ZC3H12B: variants seen among roughly 807,000 people sequenced by gnomAD.
ZC3H12B encodes zinc finger CCCH-type containing 12B.
ZC3H12B carries 7 observed loss-of-function variants against 43.9 expected under a neutral mutation model. The observed-to-expected ratio is 0.16, with a 90% CI of 0.09 to 0.30. ZC3H12B has a LOEUF of 0.30. ZC3H12B is among the 10% of genes least tolerant of loss of function. The probability of loss-of-function intolerance (pLI) is 1.00; values close to 1 mark genes in which losing one functional copy is unlikely to be tolerated. For missense variants in ZC3H12B, 475 were observed against 670.2 expected, an observed-to-expected ratio of 0.71 and a Z score of 3.22; for synonymous variants, 222 against 241.7, an observed-to-expected ratio of 0.92 and a Z score of 0.76.
At chrX:65,109,768 T>C in the ZC3H12B span, among the ~76,000 whole-genome samples, 3 of 111,825 alleles carry the variant, frequency 2.7e-5, no homozygotes, top group African/African-American at 9.7e-5. Flanking sequence ...ACTGAGAAAC[T>C]GTTAGACTGT....
chrX:65,481,148 G>A (rs1199251604), intron 3 of ZC3H12B, among the ~76,000 whole-genome samples: 1 of 110,730 alleles, frequency 9.0e-6, no homozygotes, highest in African/African-American at 3.3e-5. Flanking sequence ...TTTCATATGC[G>A]ATACCATCTG....
the ZC3H12B span, among the ~76,000 whole-genome samples, chrX:65,249,337 C>A: frequency 8.9e-6 from 1 of 111,823 alleles, no homozygotes; most frequent in South Asian, 3.7e-4. Flanking sequence ...GGTATCCTAT[C>A]CCTACTTTAT....
Position 65,488,770 on chromosome X carries a change from C to A in ZC3H12B, c.-32C>A. ...CCAAGCAGGCTAAAAAGAAAAAGAA[C>A]TGATTAGACCTCAGACGACCCACTA... On this transcript the variant is annotated 5_prime_UTR_variant, in exon 1 of 5. The change creates a new upstream start codon in the 5' untranslated region. Transcript: ENST00000338957. 1 of 1,117,754 alleles carries A rather than the reference C, an allele frequency of 8.9e-7. No individual in the cohort carries two copies. The highest frequency in any genetic ancestry group is 1.9e-5 in the African/African-American group (1 of 54,037). 92.1% of individuals were successfully genotyped at this position (1,117,754 alleles called of 1,213,427 possible). A position where few individuals can be genotyped will look rare whatever the true frequency, so the allele number is the denominator to read the frequency against.
At chrX:65,428,699 G>A (rs1033023527) in intron 3 of ZC3H12B, among the ~76,000 whole-genome samples, 1 of 112,088 alleles carries the variant, frequency 8.9e-6, no homozygotes, top group Non-Finnish European at 1.9e-5. Flanking sequence ...GTTACAACAT[G>A]TTCCTTTAGC....
At chrX:65,218,456 C>G in the ZC3H12B span, among the ~76,000 whole-genome samples, 2 of 111,859 alleles carry the variant, frequency 1.8e-5, no homozygotes, top group South Asian at 3.7e-4. Flanking sequence ...GGGAAATAAA[C>G]TTGGTGCTGT....
At chrX:65,096,801 C>T in the ZC3H12B span, among the ~76,000 whole-genome samples, 10,206 of 110,682 alleles carry the variant, frequency 0.092, 540 homozygotes, top group Non-Finnish European at 0.15. Flanking sequence ...AAAAAATAAT[C>T]GTTTTTATAT....
the ZC3H12B span, among the ~76,000 whole-genome samples, chrX:65,068,056 T>C: frequency 9.0e-6 from 1 of 110,790 alleles, no homozygotes; most frequent in Admixed American, 9.6e-5. Flanking sequence ...ATTTCTCTTG[T>C]TATTGATTTC....
At chrX:65,132,301 T>C in the ZC3H12B span, among the ~76,000 whole-genome samples, 2 of 110,884 alleles carry the variant, frequency 1.8e-5, no homozygotes, top group African/African-American at 3.3e-5. Flanking sequence ...ATGGGAGAAT[T>C]GTAAGGAGAG....
the ZC3H12B span, among the ~76,000 whole-genome samples, chrX:65,278,093 A>T: frequency 8.9e-6 from 1 of 111,980 alleles, no homozygotes; most frequent in Non-Finnish European, 1.9e-5. Context: ...ATTGTGTGTG[A>T]TCCATCACAA....
intron 1 of ZC3H12B, among the ~76,000 whole-genome samples, chrX:65,492,124 T>TTTTG (rs1465757228): frequency 2.7e-5 from 3 of 110,280 alleles, no homozygotes; most frequent in African/African-American, 1.0e-4. Context: ...CCTACCATTT[T>TTTTG]TTTTGTTTTG....
At chrX:65,428,433 C>T (rs1037389334) in intron 3 of ZC3H12B, among the ~76,000 whole-genome samples, 3 of 112,297 alleles carry the variant, frequency 2.7e-5, no homozygotes, top group South Asian at 3.7e-4. Flanking sequence ...TCCCATATTT[C>T]TTGGAGGTTT....
intron 3 of ZC3H12B, among the ~76,000 whole-genome samples, chrX:65,468,650 A>AT (rs60716703): frequency 0.12 from 9,187 of 74,844 alleles, 1,420 homozygotes; most frequent in African/African-American, 0.41. Context: ...TGCCCGGCTA[A>AT]TTTTTTTTTT....
At chrX:65,120,914 G>T in the ZC3H12B span, among the ~76,000 whole-genome samples, 8 of 111,557 alleles carry the variant, frequency 7.2e-5, no homozygotes, top group East Asian at 1.4e-3. Context: ...TAATCATGTG[G>T]TTTTTGTCAT....
At chrX:65,212,118 A>T in the ZC3H12B span, among the ~76,000 whole-genome samples, 1 of 58,353 alleles carries the variant, frequency 1.7e-5, no homozygotes, top group African/African-American at 7.1e-5. Context: ...TATAATATAT[A>T]GTATATAATA....
At chrX:65,277,951 A>G in the ZC3H12B span, among the ~76,000 whole-genome samples, 2 of 111,510 alleles carry the variant, frequency 1.8e-5, no homozygotes, top group East Asian at 2.8e-4. Context: ...AACAAAATTG[A>G]CAAACGTTAT....
At chrX:65,214,177 G>C in the ZC3H12B span, among the ~76,000 whole-genome samples, 1 of 111,182 alleles carries the variant, frequency 9.0e-6, no homozygotes. Context: ...TGACTGATCA[G>C]GGTGACTGAT....
the ZC3H12B span, among the ~76,000 whole-genome samples, chrX:65,244,669 G>A: frequency 1.1e-5 from 1 of 90,796 alleles, no homozygotes; most frequent in Non-Finnish European, 2.0e-5. Context: ...AATTGAGGCT[G>A]CAGTGGACCA....
chrX:65,336,575 A>G, the ZC3H12B span, among the ~76,000 whole-genome samples: 2 of 112,327 alleles, frequency 1.8e-5, no homozygotes, highest in Non-Finnish European at 3.8e-5. Flanking sequence ...ATTTATTCGA[A>G]GTGGATTGAA....
chrX:65,487,899 T>A (rs1164319867), upstream of ZC3H12B, among the ~76,000 whole-genome samples: 4 of 110,938 alleles, frequency 3.6e-5, no homozygotes, highest in African/African-American at 9.9e-5. Context: ...TGAGACGGAG[T>A]CTCACTCTGT....
Sources: gnomAD v4.1 joint callset for allele counts (sites outside exome capture counted in the v4.1 genomes callset) on GRCh38, gnomAD v4.1.1 for gene constraint, MANE v1.5 for transcripts, NCBI Gene and HGNC (gene_info 2026-07-23, HGNC 2026-07-21) for gene names.